The following FHIT variants were observed in gnomAD, a reference collection of about 807,000 sequenced individuals.
FHIT encodes fragile histidine triad diadenosine triphosphatase, also known as bis(5'-adenosyl)-triphosphatase.
In FHIT, 19 loss-of-function variants were observed where a neutral mutation model predicts 17.9. The ratio of observed to expected loss-of-function variants is 1.06; its 90% confidence interval spans 0.74 to 1.56. The LOEUF (loss-of-function observed/expected upper bound fraction) is 1.56. Among genes scored for constraint, FHIT ranks in the 40% most tolerant of loss-of-function variants. FHIT has a pLI of 0.00. For missense variants in FHIT, 248 were observed against 189.2 expected, an observed-to-expected ratio of 1.31 and a Z score of -1.82; for synonymous variants, 81 against 69.7, an observed-to-expected ratio of 1.16 and a Z score of -0.81.
intron 7 of FHIT, among the ~76,000 whole-genome samples, chr3:59,965,960 T>C (rs1209989216): frequency 1.3e-5 from 2 of 152,216 alleles, no homozygotes; most frequent in East Asian, 3.9e-4. Context: ...TATGTCACCG[T>C]CTTAAAGGCC....
At chr3:60,813,233 G>A (rs1701627415) in intron 4 of FHIT, among the ~76,000 whole-genome samples, 1 of 151,272 alleles carries the variant, frequency 6.6e-6, no homozygotes, top group East Asian at 1.9e-4. Context: ...CAAGCACAAA[G>A]GCCCTCACCA....
At chr3:60,381,630 T>G (rs919574503) in intron 5 of FHIT, among the ~76,000 whole-genome samples, 1 of 152,214 alleles carries the variant, frequency 6.6e-6, no homozygotes, top group Non-Finnish European at 1.5e-5. Context: ...TGACTGCCAA[T>G]CTCTCTTTCG....
chr3:60,771,506 C>T (rs983591378), intron 4 of FHIT, among the ~76,000 whole-genome samples: 4 of 152,174 alleles, frequency 2.6e-5, no homozygotes, highest in African/African-American at 4.8e-5. Context: ...AACTCAGACA[C>T]GTTGCAGAGG....
chr3:61,042,548 A>G (rs1365808013), intron 2 of FHIT, among the ~76,000 whole-genome samples: 1 of 152,148 alleles, frequency 6.6e-6, no homozygotes, highest in African/African-American at 2.4e-5. Flanking sequence ...CACAATAAAA[A>G]TTTAAACAGG....
At chr3:61,121,581 G>A (rs931319538) in intron 2 of FHIT, among the ~76,000 whole-genome samples, 3 of 152,154 alleles carry the variant, frequency 2.0e-5, no homozygotes, top group Admixed American at 6.5e-5. Flanking sequence ...AAGAGCTCCT[G>A]AAGGAAGCAC....
intron 2 of FHIT, among the ~76,000 whole-genome samples, chr3:61,058,844 T>C (rs2034321737): frequency 6.6e-6 from 1 of 152,164 alleles, no homozygotes; most frequent in Non-Finnish European, 1.5e-5. Context: ...ATTTTACAAA[T>C]AAACAATGTC....
chr3:60,992,474 A>T (rs940158411), intron 3 of FHIT, among the ~76,000 whole-genome samples: 1 of 152,234 alleles, frequency 6.6e-6, no homozygotes, highest in African/African-American at 2.4e-5. Context: ...TGCTCTCTTC[A>T]GGAAAACGAT....
chr3:60,040,663 C>A (rs1244438898), intron 5 of FHIT, among the ~76,000 whole-genome samples: 3 of 152,124 alleles, frequency 2.0e-5, no homozygotes, highest in African/African-American at 7.2e-5. Flanking sequence ...GAGGCTAAGC[C>A]TGTATCATAA....
chr3:61,160,378 TTTC>T (rs1311002363), intron 2 of FHIT, among the ~76,000 whole-genome samples: 14 of 152,240 alleles, frequency 9.2e-5, no homozygotes, highest in Non-Finnish European at 1.8e-4. Flanking sequence ...AATGTATTTG[TTTC>T]TTTGTAAAGA....
chr3:60,672,874 C>CGTGTGTGT (rs71629109), intron 4 of FHIT, among the ~76,000 whole-genome samples: 5,956 of 139,462 alleles, frequency 0.043, 144 homozygotes, highest in Middle Eastern at 0.063. Context: ...CTCTTTGTAG[C>CGTGTGTGT]GTGTGTGTGT....
In FHIT at chr3:60,516,686, A is replaced by T. The variant is rs867006047; in HGVS notation, c.103+20174T>A. Among the ~76,000 whole-genome samples, 2 of 152,356 alleles carry T rather than the reference A, an allele frequency of 1.3e-5. 1 individual carries two copies. The highest frequency in any genetic ancestry group is 4.1e-4 in the South Asian group (2 of 4,826). On this transcript the variant is annotated intron_variant, in intron 5 of 9. Transcript: ENST00000492590. ...TGAGTGCTAAATTAATATTTATCAA[A>T]TGCCTAGAACAATCTCAGAGCATAA...
Position 61,102,948 on chromosome 3 carries a change from T to C in FHIT, c.-163-60849A>G, listed in dbSNP as rs569688415. Among the ~76,000 whole-genome samples, 96 of 152,328 alleles carry C rather than the reference T, an allele frequency of 6.3e-4. 1 individual carries two copies. Among genetic ancestry groups the C allele is most frequent in the Non-Finnish European group, 1.1e-3 (74 of 68,032 alleles). ...ATCTATTTGATTCTCCTCTCTTTTC[T>C]TCTTTATTAGTCTTGCTAGTGGTCT... On this transcript the variant is annotated intron_variant, in intron 2 of 9. Coordinates refer to ENST00000492590, the MANE Select transcript of FHIT (RefSeq NM_002012.4).
intron 7 of FHIT, among the ~76,000 whole-genome samples, chr3:59,986,742 ATATT>A (rs1708966659): frequency 8.5e-5 from 1 of 11,782 alleles, no homozygotes; most frequent in Non-Finnish European, 1.6e-4. Context: ...ATATATACAT[ATATT>A]TATATATATA....
At chr3:60,991,575 A>T in intron 3 of FHIT, among the ~76,000 whole-genome samples, 1 of 152,158 alleles carries the variant, frequency 6.6e-6, no homozygotes, top group East Asian at 1.9e-4. Context: ...ACGGGTAGTG[A>T]TTAAGAACAT....
intron 5 of FHIT, among the ~76,000 whole-genome samples, chr3:60,044,216 G>C (rs1232731924): frequency 6.6e-6 from 1 of 152,184 alleles, no homozygotes; most frequent in East Asian, 1.9e-4. Flanking sequence ...AGAAAGACGT[G>C]ACAGATCTTA....
chr3:60,881,414 C>T (rs782010523), intron 3 of FHIT, among the ~76,000 whole-genome samples: 1 of 152,202 alleles, frequency 6.6e-6, no homozygotes, highest in African/African-American at 2.4e-5. Flanking sequence ...TGAGTTTATA[C>T]TGCATTTTAG....
chr3:60,357,589 T>C (rs996215726), intron 5 of FHIT, among the ~76,000 whole-genome samples: 5 of 152,136 alleles, frequency 3.3e-5, no homozygotes, highest in Non-Finnish European at 5.9e-5. Flanking sequence ...TGATGATTTC[T>C]TGACAAAGTT....
intron 5 of FHIT, among the ~76,000 whole-genome samples, chr3:60,420,701 G>C (rs1702433866): frequency 6.6e-6 from 1 of 152,060 alleles, no homozygotes; most frequent in Admixed American, 6.6e-5. Flanking sequence ...GTTTTCATGT[G>C]GTTCACTTTC....
intron 3 of FHIT, among the ~76,000 whole-genome samples, chr3:60,838,410 T>C (rs1286417090): frequency 1.3e-5 from 2 of 152,160 alleles, no homozygotes; most frequent in Non-Finnish European, 2.9e-5. Flanking sequence ...AGGCAGAGCT[T>C]GCAGTGAGTC....
Sources: gnomAD v4.1 joint callset for allele counts (sites outside exome capture counted in the v4.1 genomes callset) on GRCh38, gnomAD v4.1.1 for gene constraint, MANE v1.5 for transcripts, NCBI Gene and HGNC (gene_info 2026-07-23, HGNC 2026-07-21) for gene names.